The following ST7L variants were observed in gnomAD, a reference collection of about 807,000 sequenced individuals.
ST7L encodes suppressor of tumorigenicity 7 protein-like.
Under a neutral mutation model 72.5 loss-of-function variants are expected in ST7L, and 57 were observed. The observed-to-expected ratio is 0.79, with a 90% CI of 0.64 to 0.98. The LOEUF (loss-of-function observed/expected upper bound fraction) is 0.98. ST7L is among the 50% of genes least tolerant of loss of function. The probability of loss-of-function intolerance (pLI) is 0.00; values close to 1 mark genes in which losing one functional copy is unlikely to be tolerated. For synonymous variants in ST7L, 221 were observed against 240.9 expected, an observed-to-expected ratio of 0.92 and a Z score of 0.77; for missense variants, 576 against 672.2, an observed-to-expected ratio of 0.86 and a Z score of 1.58.
At chr1:112,596,449 C>A (rs916784987) in intron 5 of ST7L, among the ~76,000 whole-genome samples, 1 of 152,108 alleles carries the variant, frequency 6.6e-6, no homozygotes, top group Non-Finnish European at 1.5e-5. Context: ...TTACTTGATC[C>A]CCCTTTGCTT....
chr1:112,541,814 G>A, intron 14 of ST7L, 137 bp downstream of exon 14: 1 of 1,384,384 alleles, frequency 7.2e-7, no homozygotes, highest in Non-Finnish European at 9.4e-7. Flanking sequence ...ATTTATGGCA[G>A]CAACTATATA....
intron 6 of ST7L, among the ~76,000 whole-genome samples, chr1:112,587,975 C>T (rs544301524): frequency 8.9e-4 from 136 of 152,308 alleles, no homozygotes; most frequent in African/African-American, 3.1e-3. Flanking sequence ...ATTTATTTAA[C>T]TTATGCTTTA....
intron 14 of ST7L, chr1:112,526,632 T>G (rs1038460827): frequency 6.6e-6 from 1 of 151,046 alleles, no homozygotes; most frequent in African/African-American, 2.5e-5. Context: ...TCCCAGCTAC[T>G]GGGGAGGCTG....
chr1:112,526,171 G>C, intron 14 of ST7L, 60 bp from the exon 15 acceptor site: 11 of 1,609,622 alleles, frequency 6.8e-6, no homozygotes, highest in Non-Finnish European at 8.5e-6. Flanking sequence ...GGACAGCCAA[G>C]AGAGTATATC....
At chr1:112,619,193 G>A (rs1301163451), upstream of ST7L, 48 of 1,407,290 alleles carry the variant, frequency 3.4e-5, no homozygotes, top group Non-Finnish European at 4.4e-5. Flanking sequence ...GGATAGTGGC[G>A]GACCTGAAGT....
chr1:112,539,693 A>G, intron 14 of ST7L: 15 of 982,144 alleles, frequency 1.5e-5, no homozygotes, highest in Non-Finnish European at 1.8e-5. Flanking sequence ...AAAGAAAAGA[A>G]AGCTGGAAAC....
chr1:112,523,374 A>G (rs1308390193), downstream of ST7L: 7 of 152,238 alleles, frequency 4.6e-5, no homozygotes, highest in African/African-American at 1.7e-4. Context: ...TGTCCATTTG[A>G]GCCCCACCAC....
intron 10 of ST7L, among the ~76,000 whole-genome samples, chr1:112,577,397 G>T (rs1332436566): frequency 6.6e-6 from 1 of 151,482 alleles, no homozygotes; most frequent in East Asian, 1.9e-4. Flanking sequence ...GTGTGGTGGT[G>T]TGTGCCTGTA....
intron 11 of ST7L, chr1:112,570,589 G>T (rs1162117967): frequency 8.7e-6 from 2 of 230,462 alleles, no homozygotes; most frequent in South Asian, 4.8e-5. Flanking sequence ...ACATATATTT[G>T]AAATGTCACT....
intron 4 of ST7L, among the ~76,000 whole-genome samples, chr1:112,600,457 G>A (rs1429724237): frequency 6.6e-6 from 1 of 152,022 alleles, no homozygotes; most frequent in South Asian, 2.1e-4. Context: ...TTAGCTGGAT[G>A]TGGTGGCATG....
At chr1:112,596,503 T>C (rs575330259) in intron 5 of ST7L, among the ~76,000 whole-genome samples, 1 of 152,330 alleles carries the variant, frequency 6.6e-6, no homozygotes, top group South Asian at 2.1e-4. Flanking sequence ...ACCACCTATC[T>C]CATCAAGTGA....
At chr1:112,573,138 T>C (rs751758274) in intron 11 of ST7L, among the ~76,000 whole-genome samples, 41 of 151,970 alleles carry the variant, frequency 2.7e-4, no homozygotes, top group Non-Finnish European at 4.7e-4. Context: ...CATCTGAGGT[T>C]GGGAGTTTGA....
intron 14 of ST7L, among the ~76,000 whole-genome samples, chr1:112,534,131 C>T (rs1308765087): frequency 6.6e-6 from 1 of 152,194 alleles, no homozygotes; most frequent in Non-Finnish European, 1.5e-5. Context: ...CAATCCACAT[C>T]AGTATCTTCA....
At chr1:112,542,925 A>T (rs1656400106) in intron 13 of ST7L, among the ~76,000 whole-genome samples, 1 of 151,828 alleles carries the variant, frequency 6.6e-6, no homozygotes, top group African/African-American at 2.4e-5. Flanking sequence ...TTAGCCTCCC[A>T]AGTAGCTGGG....
chr1:112,556,025 G>A lies in ST7L; in HGVS notation c.1246-7C>T. 1.3e-6 allele frequency: 2 copies of A among 1,583,170 alleles called. No individual in the cohort carries two copies. Among genetic ancestry groups the A allele is most frequent in the South Asian group, 2.3e-5 (2 of 85,732 alleles). On this transcript the variant is annotated splice_polypyrimidine_tract_variant and splice_region_variant and intron_variant, in intron 11 of 14. Coordinates refer to ENST00000358039, the MANE Select transcript of ST7L (RefSeq NM_017744.5). The stretch of plus-strand genomic sequence containing the variant: ...TTTTCATCTCTAATAAATACTGAAA[G>A]AGTAACACACAGACACATATACACA...
Position 112,581,987 on chromosome 1 carries a change from C to T in ST7L, c.1069+5G>A. ...CATGCTATCAACTAAGGGAATATGACTCACCATCATATTTTGCTAGGACTG... is the reference window on the plus strand; with the variant it reads ...CATGCTATCAACTAAGGGAATATGATTCACCATCATATTTTGCTAGGACTG... On this transcript the variant is annotated splice_donor_5th_base_variant and intron_variant, in intron 9 of 14. Coordinates refer to ENST00000358039, the MANE Select transcript of ST7L (RefSeq NM_017744.5). The T allele has an allele frequency of 6.6e-7, 1 of 1,514,398 alleles. No homozygotes were observed. Among genetic ancestry groups the T allele is most frequent in the Non-Finnish European group, 9.2e-7 (1 of 1,089,730 alleles). The allele number at this position is 1,514,398 out of a possible 1,614,324, so 93.8% of individuals were successfully genotyped here.
chr1:112,537,004 T>C (rs1438232505), intron 14 of ST7L, among the ~76,000 whole-genome samples: 4 of 152,120 alleles, frequency 2.6e-5, no homozygotes, highest in Non-Finnish European at 5.9e-5. Context: ...TAGGGACTTT[T>C]TTTTTTTTTG....
chr1:112,541,192 G>T (rs1049964558), intron 14 of ST7L, among the ~76,000 whole-genome samples: 16 of 152,138 alleles, frequency 1.1e-4, no homozygotes, highest in Middle Eastern at 3.4e-3. Flanking sequence ...GGCTGAGGCG[G>T]GAGGACTGTT....
At chr1:112,618,687 G>T (rs1461437793) in intron 1 of ST7L, 22 of 948,532 alleles carry the variant, frequency 2.3e-5, no homozygotes, top group Non-Finnish European at 3.2e-5. Context: ...GGACATAAGA[G>T]AGAGGGCGGA....
Sources: allele counts gnomAD v4.1 joint callset (sites outside exome capture counted in the v4.1 genomes callset), GRCh38; gene constraint gnomAD v4.1.1; transcripts MANE v1.5; gene names NCBI Gene and HGNC (gene_info 2026-07-23, HGNC 2026-07-21).